The following TCFL5 variants were observed in gnomAD, a reference collection of about 807,000 sequenced individuals.
TCFL5 encodes the protein transcription factor like 5, also known as transcription factor-like 5 protein.
Under a neutral mutation model 44.3 loss-of-function variants are expected in TCFL5, and 9 were observed. The ratio of observed to expected loss-of-function variants is 0.20; its 90% CI spans 0.12 to 0.35. The LOEUF is 0.35. TCFL5 is among the 10% of genes least tolerant of loss of function. TCFL5 has a pLI of 1.00. For synonymous variants in TCFL5, 319 were observed against 271.6 expected (o/e 1.17, Z -1.72); for missense variants, 603 against 613.4 (o/e 0.98, Z 0.18).
intron 5 of TCFL5, among the ~76,000 whole-genome samples, chr20:62,848,565 C>G (rs377156294): frequency 1.3e-5 from 2 of 151,474 alleles, no homozygotes; most frequent in South Asian, 4.2e-4. Flanking sequence ...TGGCGAAACA[C>G]TGTCTCTACT....
intron 1 of TCFL5, 58 bp from the exon 2 acceptor site, chr20:62,860,366 C>A: frequency 6.7e-7 from 1 of 1,499,608 alleles, no homozygotes; most frequent in Non-Finnish European, 9.2e-7. Context: ...CAAGCATCCA[C>A]CATCCCACTC....
At chr20:62,852,756 G>C in intron 5 of TCFL5, 1 of 1,286,622 alleles carries the variant, frequency 7.8e-7, no homozygotes, top group Non-Finnish European at 1.0e-6. Context: ...CTGGTCCGCA[G>C]AAGTATATTC....
At chr20:62,851,923 T>C (rs6062712) in intron 5 of TCFL5, 252,050 of 816,372 alleles carry the variant, frequency 0.31, 43,451 homozygotes, top group African/African-American at 0.68. Flanking sequence ...ATTCTCCTGC[T>C]TCAACCTCCT....
In TCFL5 at chr20:62,857,457, A is replaced by G. The variant is rs1490623795; in HGVS notation, c.1176T>C (p.Ser392=). The G allele has an allele frequency of 6.2e-7, 1 of 1,613,976 alleles. No individual in the cohort carries two copies. Among genetic ancestry groups the G allele is most frequent in the Admixed American group, 1.7e-5 (1 of 60,004 alleles). Residue 392 remains serine (S), a synonymous_variant, in exon 4 of 6, where the codon AGT becomes AGC. Transcript: ENST00000335351. ...GTTGAGACCTTCCTCCCTGGGGCCC[A>G]CTCTGGGCCTGCTCCCCCAGGTTTG... ...SQANLGEQAQ[S]GPQGGRSQRR...
At chr20:62,850,076 T>G (rs2063788637) in intron 5 of TCFL5, among the ~76,000 whole-genome samples, 1 of 152,164 alleles carries the variant, frequency 6.6e-6, no homozygotes, top group East Asian at 1.9e-4. Flanking sequence ...AAAAGACTTA[T>G]TATCTTGGGG....
At chr20:62,860,742 G>A (rs182481990) in intron 1 of TCFL5, among the ~76,000 whole-genome samples, 3 of 152,294 alleles carry the variant, frequency 2.0e-5, no homozygotes, top group East Asian at 1.9e-4. Context: ...AGTGCCACCC[G>A]GAGCACATGG....
intron 3 of TCFL5, among the ~76,000 whole-genome samples, chr20:62,858,668 G>C (rs1177196809): frequency 6.8e-6 from 1 of 147,742 alleles, no homozygotes; most frequent in Non-Finnish European, 1.5e-5. Flanking sequence ...GGGCTATGCA[G>C]GTGTTTCCCA....
intron 5 of TCFL5, among the ~76,000 whole-genome samples, chr20:62,843,289 A>G (rs1038295091): frequency 6.6e-6 from 1 of 152,016 alleles, no homozygotes; most frequent in African/African-American, 2.4e-5. Flanking sequence ...AGATTCGGGA[A>G]GGAGACTCAG....
In TCFL5 at chr20:62,861,233, G is replaced by T; in HGVS notation, c.438C>A (p.Gly146=). Residue 146 remains glycine, a synonymous_variant, in exon 1 of 6, where the codon GGC becomes GGA. Coordinates refer to ENST00000335351, the MANE Select transcript of TCFL5 (RefSeq NM_006602.4). This position sits in a 1 kb window ranked among gnomAD's most constrained non-coding sequence, Gnocchi z 4.0. The part of the protein sequence containing the change: ...EAGAAEKTSG[G]GDGARARADG... ...CGGCCCGGGCCCTCGCTCCGTCCCC[G>T]CCGCCCGACGTCTTCTCCGCCGCGC... 8.6e-7 allele frequency: 1 copy of T among 1,165,554 alleles called. No homozygotes were observed. Among genetic ancestry groups the T allele is most frequent in the Non-Finnish European group, 1.1e-6 (1 of 929,898 alleles). The allele number at this position is 1,165,554 out of a possible 1,614,324, so 72.2% of individuals were successfully genotyped here.
intron 5 of TCFL5, chr20:62,853,008 A>G (rs914174302): frequency 1.8e-5 from 23 of 1,280,800 alleles, no homozygotes; most frequent in Non-Finnish European, 2.2e-5. Context: ...CCCAGTCCGC[A>G]GAAGTATAGT....
rs914535139 is a variant in TCFL5 at position 62,851,896 on chromosome 20, G to A, written c.1380+2120C>T. The A allele has an allele frequency of 4.3e-5, 39 of 900,370 alleles. 2 individuals are homozygous for A. Among genetic ancestry groups the A allele is most frequent in the South Asian group, 3.1e-4 (6 of 19,476 alleles). The allele number at this position is 900,370 out of a possible 1,614,324, so 55.8% of individuals were successfully genotyped here. A position where few individuals can be genotyped will look rare whatever the true frequency, so the allele number is the denominator to read the frequency against. On this transcript the variant is annotated intron_variant, in intron 5 of 5. Coordinates refer to ENST00000335351, the MANE Select transcript of TCFL5 (RefSeq NM_006602.4). ...GCTATCTTGGCTCATTGCAACCTCC[G>A]CCTCCCGGGTTCAACAATTCTCCTG...
rs529832929 is a variant in TCFL5, at chr20:62,860,770, C to T, written c.647+254G>A. On this transcript the variant is annotated intron_variant, in intron 1 of 5. Coordinates refer to ENST00000335351, the MANE Select transcript of TCFL5 (RefSeq NM_006602.4). ...GCACATGGTTCCCAGGAATTCTGCG[C>T]GCTCGGCCCCACTCCAGGCGGGGCC... is the stretch of plus-strand genomic sequence containing the variant. 2.0e-5 allele frequency among the ~76,000 whole-genome samples: 3 copies of T among 152,356 alleles called. No individual in the cohort carries two copies. The East Asian group carries it at 5.8e-4, about 29-fold the overall frequency.
intron 5 of TCFL5, chr20:62,851,422 C>T (rs2063808053): frequency 2.9e-6 from 2 of 695,474 alleles, no homozygotes; most frequent in South Asian, 1.3e-4. Flanking sequence ...TTATAAATGC[C>T]TTCGTCTTGA....
chr20:62,843,140 G>T (rs1004599218), intron 5 of TCFL5, among the ~76,000 whole-genome samples: 1 of 152,216 alleles, frequency 6.6e-6, no homozygotes, highest in Non-Finnish European at 1.5e-5. Context: ...TTCAACAAAT[G>T]AACGGTGAGG....
chr20:62,861,401 G>A lies in TCFL5; in HGVS notation c.270C>T (p.Gly90=). 9.2e-7 allele frequency: 1 copy of A among 1,091,324 alleles called. No individual in the cohort carries two copies. The highest frequency in any genetic ancestry group is 1.1e-6 in the Non-Finnish European group (1 of 900,650). The allele number at this position is 1,091,324 out of a possible 1,614,324, so 67.6% of individuals were successfully genotyped here. Residue 90 remains glycine, a synonymous_variant, in exon 1 of 6, where the codon GGC becomes GGT. Transcript: ENST00000335351. This position sits in a 1 kb window ranked among gnomAD's most constrained non-coding sequence, Gnocchi z 4.0. Reference sequence around the variant, plus strand: ...GACCGCCCGCCGCGAAGCCGCCCGCGCCTGCGCCCGGGCCCGCCGCCGCCA... The same window carrying A: ...GACCGCCCGCCGCGAAGCCGCCCGCACCTGCGCCCGGGCCCGCCGCCGCCA... The part of the protein sequence containing the change: ...ALLAAAGPGA[G]AGGFAAGGQG...
At chr20:62,845,782 A>C in intron 5 of TCFL5, 1 of 1,605,502 alleles carries the variant, frequency 6.2e-7, no homozygotes, top group Non-Finnish European at 8.5e-7. Flanking sequence ...GAAGAGCTGG[A>C]GAATGGGGAA....
intron 5 of TCFL5, among the ~76,000 whole-genome samples, chr20:62,848,686 C>T (rs571765310): frequency 6.6e-6 from 1 of 151,962 alleles, no homozygotes; most frequent in Non-Finnish European, 1.5e-5. Context: ...TGCAGTCAGC[C>T]GGGATCACGC....
In TCFL5 at chr20:62,852,582, T is replaced by C. The variant is rs544491215; in HGVS notation, c.1380+1434A>G. ...CAGGATCACGGCAGGCTGGCTGTCC[T>C]GAGGGACTGCATATGCTGGCGCTAA... is the stretch of plus-strand genomic sequence containing the variant. On this transcript the variant is annotated intron_variant, in intron 5 of 5. Coordinates refer to ENST00000335351, the MANE Select transcript of TCFL5 (RefSeq NM_006602.4). 4.1e-6 allele frequency: 4 copies of C among 985,098 alleles called. No individual in the cohort carries two copies. The African/African-American group carries it at 7.0e-5, about 17-fold the overall frequency. 61.0% of individuals were successfully genotyped at this position (985,098 alleles called of 1,614,324 possible). A position where few individuals can be genotyped will look rare whatever the true frequency, so the allele number is the denominator to read the frequency against.
intron 5 of TCFL5, among the ~76,000 whole-genome samples, chr20:62,853,369 C>T (rs1341100539): frequency 6.9e-6 from 1 of 145,186 alleles, no homozygotes; most frequent in Non-Finnish European, 1.5e-5. Flanking sequence ...GGGGGTGGGG[C>T]AGGGTCTTGC....
Sources: gnomAD v4.1 joint callset for allele counts (sites outside exome capture counted in the v4.1 genomes callset) on GRCh38, gnomAD v4.1.1 for gene constraint, Gnocchi (gnomAD v3.1) non-coding constraint, MANE v1.5 for transcripts, NCBI Gene and HGNC (gene_info 2026-07-23, HGNC 2026-07-21) for gene names.